RAET1L: variants seen among roughly 807,000 people sequenced by gnomAD.
RAET1L encodes UL16-binding protein 6.
RAET1L carries 16 observed loss-of-function variants against 23.9 expected under a neutral mutation model. That is an observed-to-expected ratio of 0.67 (90% confidence interval 0.45 to 1.02). The LOEUF (loss-of-function observed/expected upper bound fraction) is 1.02, where lower values mean the gene tolerates loss of function less well. Ranked by LOEUF, RAET1L falls within the 50% of genes least tolerant of loss-of-function variation. RAET1L has a pLI of 0.00. For missense variants in RAET1L, 233 were observed against 304.0 expected (o/e 0.77, Z 1.74); for synonymous variants, 70 against 111.2 (o/e 0.63, Z 2.33).
Position 150,025,396 on chromosome 6 carries a change from T to C in RAET1L, c.76A>G (p.Arg26Gly), listed in dbSNP as rs1543547. The change falls in exon 1 of 5, where the codon AGG (arginine) becomes GGG (glycine). Residue 26 changes from arginine (R) to glycine (G), a missense_variant. This residue lies in a region of RAET1L where 42 missense variants were observed against 35.0 expected (regional missense o/e 1.20). Coordinates refer to ENST00000367341, the MANE Select transcript of RAET1L (RefSeq NM_130900.3). ...CCATCCACCAGCTCACCGTCTCGCC[T>C]AGCCCGGGACCAGCCGAACAGCAGG... ...LFLLFGWSRARRDDPHSLCYD... is the reference protein window; with the variant it reads ...LFLLFGWSRAGRDDPHSLCYD... 0.45 allele frequency: 718,458 copies of C among 1,612,468 alleles called. 161,832 individuals carry two copies. The highest frequency in any genetic ancestry group is 0.48 in the African/African-American group (35,645 of 74,956).
At position 150,021,196 on chromosome 6, in the gene RAET1L, T is replaced by C. The variant is rs1352168091; in HGVS notation, c.350-10A>G. The C allele has an allele frequency of 6.2e-7, 1 of 1,607,532 alleles. No homozygotes were observed. Among genetic ancestry groups the C allele is most frequent in the African/African-American group, 1.3e-5 (1 of 74,634 alleles). ...TGCAGGGTGAGGGGTTCTGCCCCCA[T>C]CAGAGAGAGATCAGCTCTGATCTTG... On this transcript the variant is annotated splice_polypyrimidine_tract_variant and intron_variant, in intron 2 of 4. Transcript: ENST00000367341.
chr6:150,023,784 G>C (rs1355678849), intron 1 of RAET1L, among the ~76,000 whole-genome samples: 1 of 152,130 alleles, frequency 6.6e-6, no homozygotes, highest in Non-Finnish European at 1.5e-5. Context: ...CAAGGAAATC[G>C]CAACATTAAG....
chr6:150,023,604 A>G (rs1169262353), intron 1 of RAET1L, among the ~76,000 whole-genome samples: 1 of 152,246 alleles, frequency 6.6e-6, no homozygotes, highest in Non-Finnish European at 1.5e-5. Context: ...GAAGCTCAAA[A>G]GCAGCCATAG....
chr6:150,021,285 C>G (rs1367191683), intron 2 of RAET1L, 99 bp from the exon 3 acceptor site: 8 of 1,419,470 alleles, frequency 5.6e-6, no homozygotes, highest in Non-Finnish European at 6.7e-6. Flanking sequence ...TCTGCTACAT[C>G]TTGGCCTTGC....
At chr6:150,021,952 C>A (rs1779894138) in intron 2 of RAET1L, 28 bp downstream of exon 2, 4 of 1,608,466 alleles carry the variant, frequency 2.5e-6, no homozygotes, top group Admixed American at 1.7e-5. Flanking sequence ...TATCTGCTCC[C>A]TGCTGTCCTG....
rs148198102 is a variant in RAET1L at position 150,021,019 on chromosome 6, C to T, written c.517G>A (p.Glu173Lys). ...PGARKMKEKWENDKDVAMSFH... is the reference protein window; with the variant it reads ...PGARKMKEKWKNDKDVAMSFH... ...GACATGGCCACATCCTTGTCATTCT[C>T]CCACTTTTCTTTCATCTTTCTGGCT... Residue 173 changes from glutamate (E) to lysine (K), a missense_variant, in exon 3 of 5, where the codon GAG becomes AAG. Glu to Lys is a moderately conservative substitution (Grantham distance 56, BLOSUM62 1). This residue lies in a region of RAET1L where 139 missense variants were observed against 125.3 expected (regional missense o/e 1.11). Transcript: ENST00000367341. The T allele has an allele frequency of 7.8e-3, 12,559 of 1,614,148 alleles. 86 individuals are homozygous for T. Among genetic ancestry groups the T allele is most frequent in the Non-Finnish European group, 9.2e-3 (10,901 of 1,180,030 alleles).
chr6:150,020,572 C>G (rs757492209), intron 3 of RAET1L, among the ~76,000 whole-genome samples: 2 of 151,780 alleles, frequency 1.3e-5, no homozygotes, highest in African/African-American at 4.8e-5. Flanking sequence ...CAGAACCAGA[C>G]CAGGGAAAGG....
In RAET1L at chr6:150,025,446, A is replaced by G. The variant is rs1300535108; in HGVS notation, c.26T>C (p.Leu9Ser). Residue 9 changes from leucine to serine, a missense_variant, in exon 1 of 5, where the codon TTG becomes TCG. Coordinates refer to ENST00000367341, the MANE Select transcript of RAET1L (RefSeq NM_130900.3). MAAAAIPALLLCLPLLFLL... is the reference protein window; with the variant it reads MAAAAIPASLLCLPLLFLL... ...GAACAGAAGCGGGAGGCACAGAAGC[A>G]AAGCTGGGATGGCGGCTGCTGCCAT... is the stretch of plus-strand genomic sequence containing the variant. The G allele has an allele frequency of 3.7e-6, 6 of 1,613,950 alleles. No homozygotes were observed. Among genetic ancestry groups the G allele is most frequent in the Non-Finnish European group, 4.2e-6 (5 of 1,179,920 alleles).
At chr6:150,019,143 C>G (rs1288382158) in intron 4 of RAET1L, among the ~76,000 whole-genome samples, 3 of 152,300 alleles carry the variant, frequency 2.0e-5, no homozygotes, top group African/African-American at 7.2e-5. Context: ...CCCTCTTTAT[C>G]ATCTGATGAC....
chr6:150,019,723 T>A (rs1262171011), intron 4 of RAET1L, among the ~76,000 whole-genome samples: 27 of 142,332 alleles, frequency 1.9e-4, no homozygotes, highest in African/African-American at 6.4e-4. Context: ...AAAGCTACCA[T>A]GATGCACCTA....
At chr6:150,024,951 A>G (rs1198559778) in intron 1 of RAET1L, among the ~76,000 whole-genome samples, 1 of 152,070 alleles carries the variant, frequency 6.6e-6, no homozygotes, top group South Asian at 2.1e-4. Flanking sequence ...TTTGTGTGGT[A>G]GAGAGCAGGT....
intron 4 of RAET1L, 49 bp downstream of exon 4, chr6:150,020,059 C>T: frequency 5.7e-6 from 4 of 704,986 alleles, no homozygotes; most frequent in Non-Finnish European, 2.3e-6. Flanking sequence ...CCCATCCTGC[C>T]TCCTCACCCA....
chr6:150,021,428 T>C (rs2114758876), intron 2 of RAET1L, among the ~76,000 whole-genome samples: 1 of 133,556 alleles, frequency 7.5e-6, no homozygotes, highest in Middle Eastern at 3.6e-3. Flanking sequence ...GCCTCCTAAG[T>C]AGCTAGGACT....
Position 150,018,417 on chromosome 6 carries a change from T to G in RAET1L, c.*461A>C, listed in dbSNP as rs1642104949. The G allele has an allele frequency of 6.6e-6, 1 of 152,268 alleles. No homozygotes were observed. The highest frequency in any genetic ancestry group is 2.4e-5 in the African/African-American group (1 of 41,470). The allele number at this position is 152,268 out of a possible 1,614,324, so 9.4% of individuals were successfully genotyped here. The stretch of plus-strand genomic sequence containing the variant: ...GAAACAATCATTAATATAAATTTTT[T>G]TCTTATTAAATAATTAAACAATTCT... On this transcript the variant is annotated 3_prime_UTR_variant, in exon 5 of 5. Transcript: ENST00000367341.
chr6:150,020,509 G>A (rs1358206465), intron 3 of RAET1L, among the ~76,000 whole-genome samples: 1 of 152,164 alleles, frequency 6.6e-6, no homozygotes, highest in Admixed American at 6.5e-5. Flanking sequence ...ATGCCCCAGA[G>A]TTGGGGAGGG....
chr6:150,020,809 T>C, intron 3 of RAET1L, 96 bp downstream of exon 3: 2 of 1,563,650 alleles, frequency 1.3e-6, no homozygotes, highest in Non-Finnish European at 1.7e-6. Context: ...CATAAACGTG[T>C]ACACTGGGAT....
rs144281605 is a variant in RAET1L at position 150,024,277 on chromosome 6, C to T, written c.85+1110G>A. Among the ~76,000 whole-genome samples, 19 of 152,294 alleles carry T rather than the reference C, an allele frequency of 1.2e-4. No homozygotes were observed. In the East Asian group the frequency reaches 3.7e-3, roughly 29 times the overall value. Reference sequence around the variant, plus strand: ...TCTACTTTCCAACTGACATCAGAGACATCACTTGGAGATGACACCCTAGGG... The same window carrying T: ...TCTACTTTCCAACTGACATCAGAGATATCACTTGGAGATGACACCCTAGGG... On this transcript the variant is annotated intron_variant, in intron 1 of 4. Transcript: ENST00000367341.
chr6:150,021,257 T>A (rs1779884237), intron 2 of RAET1L, 71 bp from the exon 3 acceptor site: 1 of 1,523,468 alleles, frequency 6.6e-7, no homozygotes, highest in South Asian at 1.3e-5. Flanking sequence ...CCCCTTACAA[T>A]TTGCTGGCCT....
Position 150,018,686 on chromosome 6 carries a change from A to G in RAET1L, c.*192T>C, listed in dbSNP as rs1779851280. 1 of 157,082 alleles carries G rather than the reference A, an allele frequency of 6.4e-6. No individual in the cohort carries two copies. The highest frequency in any genetic ancestry group is 2.4e-5 in the African/African-American group (1 of 41,538). 9.7% of individuals were successfully genotyped at this position (157,082 alleles called of 1,614,324 possible). A position where few individuals can be genotyped will look rare whatever the true frequency, so the allele number is the denominator to read the frequency against. ...TATGTTAGGAATAATCACTGGTTAA[A>G]TTGTTGGCAAAAGGAATCAAGGCAG... On this transcript the variant is annotated 3_prime_UTR_variant, in exon 5 of 5. Coordinates refer to ENST00000367341, the MANE Select transcript of RAET1L (RefSeq NM_130900.3).
Sources: gnomAD v4.1 joint callset for allele counts (sites outside exome capture counted in the v4.1 genomes callset) on GRCh38, gnomAD v4.1.1 for gene constraint, gnomAD v4.1.1 regional missense constraint, MANE v1.5 for transcripts, NCBI Gene and HGNC (gene_info 2026-07-23, HGNC 2026-07-21) for gene names.